The following PDSS2 variants were observed in gnomAD, a reference collection of about 807,000 sequenced individuals.
PDSS2 encodes all trans-polyprenyl-diphosphate synthase PDSS2.
PDSS2 carries 31 observed loss-of-function variants against 44.5 expected under a neutral mutation model. The observed-to-expected ratio is 0.70, with a 90% confidence interval of 0.52 to 0.94. PDSS2 has a LOEUF of 0.94. Among genes scored for constraint, PDSS2 ranks in the 40% least tolerant of loss-of-function variants. The pLI, the probability that PDSS2 is intolerant of heterozygous loss-of-function variation, is 0.00. For missense variants in PDSS2, 452 were observed against 482.2 expected, an observed-to-expected ratio of 0.94 and a Z score of 0.59; for synonymous variants, 157 against 180.3, an observed-to-expected ratio of 0.87 and a Z score of 1.03.
chr6:107,184,772 T>TA (rs1188113515), intron 7 of PDSS2, among the ~76,000 whole-genome samples: 2 of 151,484 alleles, frequency 1.3e-5, no homozygotes, highest in African/African-American at 4.8e-5. Context: ...CCTATCCTTA[T>TA]AAAAAATCTC....
intron 4 of PDSS2, among the ~76,000 whole-genome samples, chr6:107,220,867 T>C (rs1306267273): frequency 6.6e-6 from 1 of 152,150 alleles, no homozygotes; most frequent in African/African-American, 2.4e-5. Flanking sequence ...AAATCCCTCA[T>C]TTCCATCAGC....
At chr6:107,447,808 C>T (rs753402136) in intron 1 of PDSS2, among the ~76,000 whole-genome samples, 15 of 152,350 alleles carry the variant, frequency 9.8e-5, no homozygotes, top group African/African-American at 2.6e-4. Context: ...ACTTCCCTTC[C>T]GCACTGCCCT....
intron 7 of PDSS2, among the ~76,000 whole-genome samples, chr6:107,166,339 A>C (rs1278029899): frequency 2.0e-5 from 3 of 148,032 alleles, no homozygotes; most frequent in Admixed American, 6.8e-5. Context: ...GATATGTCCC[A>C]TCAATACCTA....
intron 1 of PDSS2, among the ~76,000 whole-genome samples, chr6:107,425,994 G>A (rs957454460): frequency 2.0e-5 from 3 of 152,084 alleles, no homozygotes; most frequent in African/African-American, 7.2e-5. Context: ...CCATTTTCTG[G>A]GGAGAAATTC....
In PDSS2 at chr6:107,258,315, T is replaced by C. The variant is rs78101349; in HGVS notation, c.631-12696A>G. On this transcript the variant is annotated intron_variant, in intron 3 of 7. Coordinates refer to ENST00000369037, the MANE Select transcript of PDSS2 (RefSeq NM_020381.4). Reference sequence around the variant, plus strand: ...CTTGATTATAATCATTTTGTTTTTCTTCATGTGTCATGCCATTTTCAGGAT... The same window carrying C: ...CTTGATTATAATCATTTTGTTTTTCCTCATGTGTCATGCCATTTTCAGGAT... Among the ~76,000 whole-genome samples the C allele has an allele frequency of 0.013, 2,031 of 152,262 alleles. 124 individuals are homozygous for C. The East Asian group carries it at 0.2, about 15-fold the overall frequency.
At chr6:107,398,786 C>T (rs183513921) in intron 1 of PDSS2, among the ~76,000 whole-genome samples, 1 of 152,202 alleles carries the variant, frequency 6.6e-6, no homozygotes, top group Non-Finnish European at 1.5e-5. Context: ...TGGGCTCCCC[C>T]ACCTGGACCA....
At chr6:107,227,278 CTTTTTTTTTTT>C (rs60988844) in intron 4 of PDSS2, among the ~76,000 whole-genome samples, 1 of 102,818 alleles carries the variant, frequency 9.7e-6, no homozygotes, top group Non-Finnish European at 2.0e-5. Flanking sequence ...CCACTGTGCC[CTTTTTTTTTTT>C]TTTTTTTTTT....
chr6:107,412,341 C>T (rs1051941731), intron 1 of PDSS2, among the ~76,000 whole-genome samples: 9 of 146,168 alleles, frequency 6.2e-5, no homozygotes, highest in East Asian at 2.0e-4. Flanking sequence ...CGGGTTCAAG[C>T]GATTCTCCTG....
intron 2 of PDSS2, among the ~76,000 whole-genome samples, chr6:107,274,667 CTTTTTTTTT>C (rs5878910): frequency 9.4e-6 from 1 of 106,554 alleles, no homozygotes; most frequent in Non-Finnish European, 1.9e-5. Context: ...ATCTCTCTCT[CTTTTTTTTT>C]TTTTTTTTTT....
intron 7 of PDSS2, among the ~76,000 whole-genome samples, chr6:107,174,769 T>A (rs1771728114): frequency 1.3e-5 from 2 of 152,212 alleles, no homozygotes; most frequent in African/African-American, 4.8e-5. Context: ...AAGAGAATTT[T>A]AAATAGATTT....
chr6:107,340,798 G>A (rs555679687), intron 1 of PDSS2, among the ~76,000 whole-genome samples: 1 of 152,208 alleles, frequency 6.6e-6, no homozygotes, highest in East Asian at 1.9e-4. Flanking sequence ...GGGTATTTTA[G>A]GAGAAAGAAA....
Position 107,239,931 on chromosome 6 carries a change from C to T in PDSS2, c.702+5617G>A, listed in dbSNP as rs890150550. On this transcript the variant is annotated intron_variant, in intron 4 of 7. Coordinates refer to ENST00000369037, the MANE Select transcript of PDSS2 (RefSeq NM_020381.4). ...TGTTGGGATTACAGGCGTGAGCCAC[C>T]GTGCCTGGCCTATTTTTCTAATCAG... 5.9e-5 allele frequency among the ~76,000 whole-genome samples: 9 copies of T among 152,060 alleles called. No individual in the cohort carries two copies. The East Asian group carries it at 7.7e-4, about 13-fold the overall frequency.
chr6:107,193,750 T>C, intron 7 of PDSS2, 72 bp downstream of exon 7: 2 of 924,292 alleles, frequency 2.2e-6, no homozygotes, highest in South Asian at 1.3e-5. Flanking sequence ...TTTTGACCTT[T>C]CAAATATAAA....
At chr6:107,197,435 A>C (rs778914577) in intron 6 of PDSS2, among the ~76,000 whole-genome samples, 37 of 149,602 alleles carry the variant, frequency 2.5e-4, no homozygotes, top group Non-Finnish European at 5.2e-4. Flanking sequence ...GTGCCTGTGA[A>C]TATCACTTCA....
At chr6:107,156,748 C>A (rs975092115) in intron 7 of PDSS2, among the ~76,000 whole-genome samples, 3 of 152,198 alleles carry the variant, frequency 2.0e-5, no homozygotes, top group Admixed American at 6.5e-5. Flanking sequence ...ACTGGAGATG[C>A]TCCTTGGCCT....
intron 3 of PDSS2, among the ~76,000 whole-genome samples, chr6:107,252,668 C>T (rs1190340227): frequency 6.6e-6 from 1 of 152,164 alleles, no homozygotes; most frequent in Non-Finnish European, 1.5e-5. Context: ...GTGGCTTACG[C>T]CTGTAATCTC....
rs370231416 is a variant in PDSS2, at chr6:107,276,419, G to T, written c.432-2192C>A. Among the ~76,000 whole-genome samples, 52 of 152,238 alleles carry T rather than the reference G, an allele frequency of 3.4e-4. No homozygotes were observed. The South Asian group carries it at 8.7e-3, about 26-fold the overall frequency. ...TTGGATAGACGGTGGTGTGTGGTTG[G>T]GGGGAGGGTGGATAACTTGTCCTTT... On this transcript the variant is annotated intron_variant, in intron 2 of 7. Transcript: ENST00000369037.
At chr6:107,239,571 A>T (rs1256264436) in intron 4 of PDSS2, among the ~76,000 whole-genome samples, 16 of 148,458 alleles carry the variant, frequency 1.1e-4, no homozygotes, top group African/African-American at 3.7e-4. Context: ...TTATAAAATA[A>T]TTTTTATTTT....
chr6:107,456,905 TGAG>T lies in PDSS2; in HGVS notation c.296+2082_296+2084del, dbSNP rs138895731. ...TTTAGTGGGAGTCAGGGAGATGGAC[TGAG>T]GAGTACACATTTAGCTTCAACAGGA... On this transcript the variant is annotated intron_variant, in intron 1 of 7. Transcript: ENST00000369037. Among the ~76,000 whole-genome samples, 1,346 of 152,316 alleles carry T rather than the reference TGAG, an allele frequency of 8.8e-3. 47 individuals are homozygous for T. In the East Asian group the frequency reaches 0.12, roughly 13 times the overall value.
Sources: gnomAD v4.1 joint callset for allele counts (sites outside exome capture counted in the v4.1 genomes callset) on GRCh38, gnomAD v4.1.1 for gene constraint, MANE v1.5 for transcripts, NCBI Gene and HGNC (gene_info 2026-07-23, HGNC 2026-07-21) for gene names.